KHDRBS2: variants seen among roughly 807,000 people sequenced by gnomAD.
The protein encoded by KHDRBS2 is KH RNA binding domain containing, signal transduction associated 2, also known as KH domain-containing, RNA-binding, signal transduction-associated protein 2.
In KHDRBS2, 26 loss-of-function variants were observed where a neutral mutation model predicts 44.3. The observed-to-expected ratio is 0.59, with a 90% CI of 0.43 to 0.81. The LOEUF (loss-of-function observed/expected upper bound fraction) is 0.81. Among genes scored for constraint, KHDRBS2 ranks in the 40% least tolerant of loss-of-function variants. KHDRBS2 has a pLI of 0.00. For synonymous variants in KHDRBS2, 194 were observed against 151.1 expected, an observed-to-expected ratio of 1.28 and a Z score of -2.08; for missense variants, 476 against 433.1, an observed-to-expected ratio of 1.10 and a Z score of -0.88.
intron 1 of KHDRBS2, among the ~76,000 whole-genome samples, chr6:62,229,708 G>A (rs1832577931): frequency 6.6e-6 from 1 of 152,162 alleles, no homozygotes; most frequent in African/African-American, 2.4e-5. Context: ...AAGCTGGGTA[G>A]CACGCTCACT....
chr6:62,064,782 G>T (rs1190282282), intron 2 of KHDRBS2, among the ~76,000 whole-genome samples: 2 of 151,916 alleles, frequency 1.3e-5, no homozygotes, highest in African/African-American at 4.8e-5. Context: ...TTGACAAATG[G>T]GATCTAATTA....
chr6:61,743,560 GA>G (rs1464613600), intron 6 of KHDRBS2, among the ~76,000 whole-genome samples: 1 of 151,786 alleles, frequency 6.6e-6, no homozygotes, highest in Non-Finnish European at 1.5e-5. Flanking sequence ...GAAGAAAAAT[GA>G]AAAAAATTGG....
the KHDRBS2 span, among the ~76,000 whole-genome samples, chr6:61,576,885 C>T: frequency 1.3e-5 from 2 of 152,046 alleles, no homozygotes; most frequent in African/African-American, 4.8e-5. Context: ...CTAATTTCAC[C>T]TTTGGAGAAA....
chr6:61,793,288 C>A (rs1303183744), intron 6 of KHDRBS2, among the ~76,000 whole-genome samples: 3 of 151,774 alleles, frequency 2.0e-5, no homozygotes, highest in Admixed American at 2.0e-4. Flanking sequence ...ATGTACAAAA[C>A]GAACAAGTAA....
At chr6:61,948,681 T>TATG (rs1397337621) in intron 4 of KHDRBS2, among the ~76,000 whole-genome samples, 1 of 148,638 alleles carries the variant, frequency 6.7e-6, no homozygotes, top group African/African-American at 2.5e-5. Flanking sequence ...TTATTATTAT[T>TATG]ATTATTATTA....
intron 6 of KHDRBS2, among the ~76,000 whole-genome samples, chr6:61,888,953 C>G (rs755517023): frequency 2.6e-5 from 4 of 152,060 alleles, no homozygotes; most frequent in Non-Finnish European, 4.4e-5. Context: ...CCCCCAGAGC[C>G]AGCTTTTTAA....
At chr6:62,231,866 C>T (rs6932814) in intron 1 of KHDRBS2, among the ~76,000 whole-genome samples, 8,670 of 152,170 alleles carry the variant, frequency 0.057, 334 homozygotes, top group Non-Finnish European at 0.075. Context: ...ATGCACTACT[C>T]AAGACACCAA....
chr6:62,018,297 ATATGTGTGTGTGTG>A (rs1475986088), intron 3 of KHDRBS2, among the ~76,000 whole-genome samples: 117 of 138,540 alleles, frequency 8.4e-4, no homozygotes, highest in African/African-American at 1.5e-3. Context: ...CTATATATAT[ATATGTGTGTGTGTG>A]TGTGTGTGTG....
intron 1 of KHDRBS2, among the ~76,000 whole-genome samples, chr6:62,200,499 G>A (rs1020784555): frequency 2.6e-5 from 4 of 152,118 alleles, no homozygotes; most frequent in South Asian, 2.1e-4. Context: ...TATCATCACC[G>A]GCCATCAGAG....
intron 2 of KHDRBS2, among the ~76,000 whole-genome samples, chr6:62,071,792 T>C (rs916064756): frequency 6.6e-6 from 1 of 152,216 alleles, no homozygotes; most frequent in African/African-American, 2.4e-5. Context: ...CCAGCTTTGT[T>C]CTTTCGGCTT....
intron 6 of KHDRBS2, among the ~76,000 whole-genome samples, chr6:61,852,608 A>G (rs1368063889): frequency 1.3e-5 from 2 of 151,964 alleles, no homozygotes; most frequent in Non-Finnish European, 2.9e-5. Context: ...TATTCTGCTA[A>G]TACCCACTGT....
chr6:61,633,066 G>T, the KHDRBS2 span, among the ~76,000 whole-genome samples: 4 of 152,150 alleles, frequency 2.6e-5, no homozygotes, highest in Non-Finnish European at 5.9e-5. Flanking sequence ...ACTATATTCA[G>T]AATTTGACAA....
intron 4 of KHDRBS2, among the ~76,000 whole-genome samples, chr6:61,951,656 A>G (rs535625163): frequency 1.3e-5 from 2 of 152,202 alleles, no homozygotes; most frequent in South Asian, 2.1e-4. Context: ...GAATTCAAAG[A>G]CAGAATTAGA....
chr6:61,810,924 A>C (rs1788016289), intron 6 of KHDRBS2, among the ~76,000 whole-genome samples: 1 of 151,956 alleles, frequency 6.6e-6, no homozygotes, highest in Admixed American at 6.6e-5. Flanking sequence ...CCCATGGAAA[A>C]CCATTTTATT....
At chr6:61,615,078 C>T in the KHDRBS2 span, among the ~76,000 whole-genome samples, 2 of 150,724 alleles carry the variant, frequency 1.3e-5, no homozygotes, top group South Asian at 2.1e-4. Flanking sequence ...ACTAAAAATA[C>T]AAAAATTAGC....
At chr6:61,679,059 G>A (rs1185896012), downstream of KHDRBS2, 1 of 151,796 alleles carries the variant, frequency 6.6e-6, no homozygotes, top group Non-Finnish European at 1.5e-5. Flanking sequence ...TTCATAATAC[G>A]ATTAGCATGC....
At chr6:61,876,096 T>C (rs1476827174) in intron 6 of KHDRBS2, among the ~76,000 whole-genome samples, 2 of 152,014 alleles carry the variant, frequency 1.3e-5, no homozygotes, top group Admixed American at 1.3e-4. Flanking sequence ...AAAGATTAGG[T>C]TTTGCAGCAT....
chr6:61,831,360 G>GGT (rs145617830), intron 6 of KHDRBS2, among the ~76,000 whole-genome samples: 72 of 150,546 alleles, frequency 4.8e-4, no homozygotes, highest in African/African-American at 1.5e-3. Flanking sequence ...ATGTGTGTGT[G>GGT]GTGTGTGTGT....
At chr6:62,278,910 C>T (rs879360503) in intron 1 of KHDRBS2, among the ~76,000 whole-genome samples, 10 of 151,684 alleles carry the variant, frequency 6.6e-5, no homozygotes, top group Non-Finnish European at 1.5e-4. Flanking sequence ...CTGGTTAACA[C>T]GGTGAAACCC....
Sources: gnomAD v4.1 joint callset for allele counts (sites outside exome capture counted in the v4.1 genomes callset) on GRCh38, gnomAD v4.1.1 for gene constraint, MANE v1.5 for transcripts, NCBI Gene and HGNC (gene_info 2026-07-23, HGNC 2026-07-21) for gene names.